Variants in ABCA8 observed in about 807,000 individuals in gnomAD.
The protein encoded by ABCA8 is ABC-type organic anion transporter ABCA8.
ABCA8 carries 177 observed loss-of-function variants against 192.3 expected under a neutral mutation model. That is an observed-to-expected ratio of 0.92 (90% CI 0.81 to 1.04). The LOEUF is 1.04. ABCA8 is among the 50% of genes least tolerant of loss of function. The pLI is 0.00. For missense variants in ABCA8, 1,915 were observed against 1,904.8 expected, an observed-to-expected ratio of 1.01 and a Z score of -0.10; for synonymous variants, 642 against 690.2, an observed-to-expected ratio of 0.93 and a Z score of 1.09.
chr17:68,928,296 T>C (rs2067758454), intron 9 of ABCA8, among the ~76,000 whole-genome samples: 1 of 152,256 alleles, frequency 6.6e-6, no homozygotes, highest in Middle Eastern at 3.4e-3. Flanking sequence ...CCAAATGAAA[T>C]TGAAACATTA....
chr17:68,948,024 C>A (rs74778637), intron 2 of ABCA8, among the ~76,000 whole-genome samples: 8,924 of 152,184 alleles, frequency 0.059, 411 homozygotes, highest in East Asian at 0.24. Context: ...TGTTAGTTTG[C>A]TGAGAATGAT....
chr17:68,887,744 C>G (rs1167051928), intron 24 of ABCA8, among the ~76,000 whole-genome samples: 1 of 151,332 alleles, frequency 6.6e-6, no homozygotes, highest in African/African-American at 2.4e-5. Flanking sequence ...TTAGAATGAT[C>G]AAAGCATGAA....
chr17:68,924,972 G>T, intron 10 of ABCA8, 103 bp from the exon 11 acceptor site: 1 of 1,227,102 alleles, frequency 8.1e-7, no homozygotes, highest in Non-Finnish European at 1.1e-6. Flanking sequence ...TGCTAAACCT[G>T]AACATGTGGT....
chr17:68,896,030 G>T (rs949802837), intron 21 of ABCA8, among the ~76,000 whole-genome samples: 2 of 152,106 alleles, frequency 1.3e-5, no homozygotes. Context: ...AATCAGGCAC[G>T]ATCCATGCTT....
At chr17:68,871,959 C>A (rs1038225590) in intron 37 of ABCA8, among the ~76,000 whole-genome samples, 3 of 152,080 alleles carry the variant, frequency 2.0e-5, no homozygotes, top group Non-Finnish European at 2.9e-5. Context: ...ACTACTTCTA[C>A]TTATAAAAAA....
At chr17:68,941,664 T>A (rs557281647) in intron 3 of ABCA8, among the ~76,000 whole-genome samples, 1 of 152,296 alleles carries the variant, frequency 6.6e-6, no homozygotes, top group African/African-American at 2.4e-5. Flanking sequence ...GGGACACTAG[T>A]AACAAATGTG....
At chr17:68,921,561 AT>A in intron 12 of ABCA8, 69 bp from the exon 13 acceptor site, 1 of 934,224 alleles carries the variant, frequency 1.1e-6, no homozygotes, top group Non-Finnish European at 1.6e-6. Context: ...ACCACAAAAA[AT>A]ATTCCATTAT....
At chr17:68,907,425 T>A (rs765610033) in intron 18 of ABCA8, among the ~76,000 whole-genome samples, 1 of 151,848 alleles carries the variant, frequency 6.6e-6, no homozygotes, top group Non-Finnish European at 1.5e-5. Flanking sequence ...TTTAATGTAG[T>A]GCATAAGCCA....
chr17:68,908,007 C>A (rs2067127787), intron 17 of ABCA8, 128 bp from the exon 18 acceptor site: 2 of 895,222 alleles, frequency 2.2e-6, no homozygotes, highest in East Asian at 3.1e-5. Flanking sequence ...ATAGGTCAGA[C>A]AAACACAAAA....
Position 68,932,436 on chromosome 17 carries a change from G to A in ABCA8, c.649C>T (p.Gln217Ter). 1.2e-6 allele frequency: 2 copies of A among 1,613,886 alleles called. No individual in the cohort carries two copies. Among genetic ancestry groups the A allele is most frequent in the East Asian group, 2.2e-5 (1 of 44,876 alleles). Residue 217 changes from glutamine (Q) to a stop codon, truncating the protein, a stop_gained, in exon 7 of 40, where the codon CAA (glutamine) becomes TAA (stop). Transcript: ENST00000586539. LOFTEE classifies it high-confidence loss of function. Reference protein sequence around the residue: ...KNMKMHSFIGQSGVITDLYLF... With the variant: ...KNMKMHSFIG ...TACAAATCAGTTATAACTCCTGATT[G>A]ACCAATGAAGGAATGCATCTTCATA...
Position 68,913,415 on chromosome 17 carries a change from A to T in ABCA8, c.2138+3946T>A, listed in dbSNP as rs188693622. On this transcript the variant is annotated intron_variant, in intron 17 of 39. Transcript: ENST00000586539. ...TAAACATCAGAGCAGAAATAAATAA[A>T]ATTGAAATGAAATAAACAATACAAA... Among the ~76,000 whole-genome samples the T allele has an allele frequency of 1.6e-3, 250 of 152,184 alleles. 3 individuals are homozygous for T. The highest frequency in any genetic ancestry group is 5.9e-3 in the African/African-American group (245 of 41,558).
At chr17:68,946,556 G>A (rs2068414921) in intron 2 of ABCA8, among the ~76,000 whole-genome samples, 1 of 152,130 alleles carries the variant, frequency 6.6e-6, no homozygotes, top group South Asian at 2.1e-4. Flanking sequence ...AGATGCCTTA[G>A]AAGACAGCCG....
Position 68,924,823 on chromosome 17 carries a change from T to C in ABCA8, c.1320A>G (p.Ser440=), listed in dbSNP as rs2067651685. 1.2e-6 allele frequency: 2 copies of C among 1,613,990 alleles called. No individual in the cohort carries two copies. The highest frequency in any genetic ancestry group is 1.7e-6 in the Non-Finnish European group (2 of 1,179,986). The part of the protein sequence containing the change: ...RRPPLFFLKS[S]FWSQTQKTDH... ...CAGTCTTTTGTGTTTGAGACCAAAATGAGGACTTCAGGAAAAACAAAGGTG... is the reference window on the plus strand; with the variant it reads ...CAGTCTTTTGTGTTTGAGACCAAAACGAGGACTTCAGGAAAAACAAAGGTG... The change falls in exon 11 of 40, where the codon TCA becomes TCG. Residue 440 remains serine, a synonymous_variant. Transcript: ENST00000586539.
At chr17:68,922,392 G>T in intron 11 of ABCA8, 92 bp from the exon 12 acceptor site, 12 of 898,554 alleles carry the variant, frequency 1.3e-5, no homozygotes, top group Non-Finnish European at 2.0e-5. Context: ...CTTAACTTCA[G>T]GATACATGAA....
At chr17:68,935,539 C>CTTATATATATATATAT (rs1567877214) in intron 5 of ABCA8, among the ~76,000 whole-genome samples, 1 of 41,820 alleles carries the variant, frequency 2.4e-5, no homozygotes, top group Non-Finnish European at 5.0e-5. Context: ...GAGTAGTATT[C>CTTATATATATATATAT]CTATATATAT....
chr17:68,919,690 G>C (rs1369544382), intron 13 of ABCA8: 2 of 464,242 alleles, frequency 4.3e-6, no homozygotes, highest in Non-Finnish European at 7.7e-6. Flanking sequence ...CTCACATTTA[G>C]CTTTGCCTAT....
At chr17:68,890,738 C>CA (rs1476950542) in intron 24 of ABCA8, among the ~76,000 whole-genome samples, 3 of 152,322 alleles carry the variant, frequency 2.0e-5, no homozygotes, top group Admixed American at 6.5e-5. Context: ...AGGCTGGTGT[C>CA]AAACTCCTGA....
chr17:68,868,859 C>T (rs957358923), intron 38 of ABCA8, among the ~76,000 whole-genome samples: 2 of 152,060 alleles, frequency 1.3e-5, no homozygotes, highest in South Asian at 4.1e-4. Flanking sequence ...AATAGGAGCT[C>T]AGCAGATTGG....
chr17:68,921,652 T>C (rs148333950), intron 12 of ABCA8, among the ~76,000 whole-genome samples, 160 bp from the exon 13 acceptor site: 2 of 152,312 alleles, frequency 1.3e-5, no homozygotes, highest in African/African-American at 4.8e-5. Context: ...AAATTCAAAA[T>C]AAAACATTAA....
Sources: allele counts gnomAD v4.1 joint callset (sites outside exome capture counted in the v4.1 genomes callset), GRCh38; gene constraint gnomAD v4.1.1; transcripts MANE v1.5; gene names NCBI Gene and HGNC (gene_info 2026-07-23, HGNC 2026-07-21).